CSMD1: variants seen among roughly 807,000 people sequenced by gnomAD.
CSMD1 encodes the protein CUB and sushi domain-containing protein 1.
A neutral mutation model predicts 417.5 loss-of-function variants in CSMD1; 213 were observed. The ratio of observed to expected loss-of-function variants is 0.51; its 90% confidence interval spans 0.46 to 0.57. CSMD1 has a LOEUF of 0.57. CSMD1 is among the 20% of genes least tolerant of loss of function. The probability of loss-of-function intolerance (pLI) is 0.00; values close to 1 mark genes in which losing one functional copy is unlikely to be tolerated. For synonymous variants in CSMD1, 2,862 were observed against 1,736.8 expected (o/e 1.65, Z -16.11); for missense variants, 6,923 against 4,529.7 (o/e 1.53, Z -15.17).
intron 3 of CSMD1, among the ~76,000 whole-genome samples, chr8:4,247,404 C>T (rs1416460231): frequency 1.3e-5 from 2 of 152,184 alleles, no homozygotes; most frequent in African/African-American, 4.8e-5. Context: ...GTTGCATCTC[C>T]AGCTTGCAGT....
chr8:3,037,207 C>CTT (rs34495486), intron 50 of CSMD1, among the ~76,000 whole-genome samples: 1 of 150,112 alleles, frequency 6.7e-6, no homozygotes, highest in Non-Finnish European at 1.5e-5. Flanking sequence ...ACCACACTTT[C>CTT]TTTTTTTTGT....
At chr8:4,165,839 G>T (rs535457258) in intron 3 of CSMD1, among the ~76,000 whole-genome samples, 1 of 152,288 alleles carries the variant, frequency 6.6e-6, no homozygotes, top group South Asian at 2.1e-4. Flanking sequence ...AAAACTAATT[G>T]CGTTTTTTGC....
intron 5 of CSMD1, among the ~76,000 whole-genome samples, chr8:3,822,842 T>C (rs958720577): frequency 1.3e-5 from 2 of 152,146 alleles, no homozygotes; most frequent in Non-Finnish European, 2.9e-5. Flanking sequence ...GCACATAAAA[T>C]GAGCTATGCA....
chr8:3,384,234 A>C (rs1418721805), intron 18 of CSMD1, among the ~76,000 whole-genome samples: 5 of 152,150 alleles, frequency 3.3e-5, no homozygotes, highest in African/African-American at 1.2e-4. Context: ...AGATAGTCTA[A>C]ATTTTCACAT....
At chr8:4,081,693 T>A (rs758774114) in intron 3 of CSMD1, among the ~76,000 whole-genome samples, 2 of 152,192 alleles carry the variant, frequency 1.3e-5, no homozygotes, top group Non-Finnish European at 2.9e-5. Context: ...GTCCAAAACA[T>A]TTAAATTCTA....
intron 3 of CSMD1, among the ~76,000 whole-genome samples, chr8:4,095,373 A>G (rs1319124338): frequency 6.7e-6 from 1 of 150,354 alleles, no homozygotes; most frequent in Non-Finnish European, 1.5e-5. Context: ...GCTGATGTAG[A>G]AACTAAAACA....
chr8:3,114,806 TA>T (rs1816760362), intron 42 of CSMD1, among the ~76,000 whole-genome samples: 1 of 152,198 alleles, frequency 6.6e-6, no homozygotes, highest in Non-Finnish European at 1.5e-5. Flanking sequence ...TATGTAATAA[TA>T]CATTGTTTAG....
intron 2 of CSMD1, among the ~76,000 whole-genome samples, chr8:4,515,992 T>C (rs577253540): frequency 7.2e-5 from 11 of 152,216 alleles, no homozygotes; most frequent in Non-Finnish European, 1.6e-4. Context: ...TACCCATTGA[T>C]AAGATAAGAC....
intron 6 of CSMD1, among the ~76,000 whole-genome samples, chr8:3,730,133 A>G (rs936957522): frequency 2.0e-5 from 3 of 152,028 alleles, no homozygotes; most frequent in Admixed American, 1.3e-4. Context: ...CAAGGAGACA[A>G]TGTGATCATC....
intron 9 of CSMD1, among the ~76,000 whole-genome samples, chr8:3,579,806 C>T (rs1430543748): frequency 1.3e-5 from 2 of 152,158 alleles, no homozygotes; most frequent in Non-Finnish European, 2.9e-5. Flanking sequence ...ACTACATGGC[C>T]TGACATATCA....
At chr8:3,645,834 G>A (rs1230130089) in intron 7 of CSMD1, among the ~76,000 whole-genome samples, 1 of 152,146 alleles carries the variant, frequency 6.6e-6, no homozygotes, top group Admixed American at 6.5e-5. Flanking sequence ...GCTACAAGAA[G>A]AATCACTCCA....
intron 49 of CSMD1, among the ~76,000 whole-genome samples, chr8:3,061,293 G>T (rs1015398778): frequency 6.6e-6 from 1 of 152,058 alleles, no homozygotes; most frequent in Non-Finnish European, 1.5e-5. Flanking sequence ...GCAGCAAATA[G>T]TCACATTTAT....
intron 3 of CSMD1, among the ~76,000 whole-genome samples, chr8:4,232,877 A>T (rs183489833): frequency 1.3e-5 from 2 of 152,164 alleles, no homozygotes; most frequent in East Asian, 3.8e-4. Flanking sequence ...ACAATCTTGA[A>T]TAAGTGTAAA....
chr8:3,864,756 T>A (rs181582419), intron 5 of CSMD1, among the ~76,000 whole-genome samples: 2 of 152,302 alleles, frequency 1.3e-5, no homozygotes, highest in East Asian at 3.9e-4. Flanking sequence ...AATTAAACTA[T>A]AGGCACCATC....
intron 1 of CSMD1, among the ~76,000 whole-genome samples, chr8:4,665,406 T>A (rs560814538): frequency 6.6e-6 from 1 of 152,322 alleles, no homozygotes; most frequent in African/African-American, 2.4e-5. Flanking sequence ...GTGAAAGTTA[T>A]GTCACACATA....
At chr8:4,239,842 C>A (rs1404584064) in intron 3 of CSMD1, among the ~76,000 whole-genome samples, 2 of 152,162 alleles carry the variant, frequency 1.3e-5, no homozygotes, top group African/African-American at 4.8e-5. Flanking sequence ...TGTGTCTACA[C>A]TATTTTGGAA....
chr8:3,719,098 C>T (rs745413758), intron 6 of CSMD1, among the ~76,000 whole-genome samples: 5 of 152,232 alleles, frequency 3.3e-5, no homozygotes, highest in Non-Finnish European at 5.9e-5. Context: ...TCAGACGATT[C>T]GCAAATTCCA....
At chr8:4,001,140 T>A (rs1263904645) in intron 4 of CSMD1, among the ~76,000 whole-genome samples, 1 of 152,126 alleles carries the variant, frequency 6.6e-6, no homozygotes, top group Admixed American at 6.6e-5. Flanking sequence ...TTTAAAAAGC[T>A]TTGAAATAGT....
intron 1 of CSMD1, among the ~76,000 whole-genome samples, chr8:4,801,549 T>A (rs1197900117): frequency 6.6e-6 from 1 of 152,190 alleles, no homozygotes. Context: ...AACAAATCTT[T>A]TCTATTAATT....
Sources: allele counts gnomAD v4.1 joint callset (sites outside exome capture counted in the v4.1 genomes callset), GRCh38; gene constraint gnomAD v4.1.1; transcripts MANE v1.5; gene names NCBI Gene and HGNC (gene_info 2026-07-23, HGNC 2026-07-21).